The following ZXDC variants were observed in gnomAD, a reference collection of about 807,000 sequenced individuals.
ZXDC encodes the protein ZXD family zinc finger C.
Under a neutral mutation model 63.6 loss-of-function variants are expected in ZXDC, and 58 were observed. The observed-to-expected ratio is 0.91, with a 90% CI of 0.74 to 1.13. ZXDC has a LOEUF of 1.13. Among genes scored for constraint, ZXDC ranks in the 50% most tolerant of loss-of-function variants. The pLI, the probability that ZXDC is intolerant of heterozygous loss-of-function variation, is 0.00. For missense variants in ZXDC, 1,133 were observed against 1,148.9 expected (o/e 0.99, Z 0.20); for synonymous variants, 561 against 496.1 (o/e 1.13, Z -1.74).
chr3:126,466,344 T>C lies in ZXDC; in HGVS notation c.1271-19A>G, dbSNP rs745857279. The C allele has an allele frequency of 1.2e-6, 2 of 1,613,930 alleles. No homozygotes were observed. The highest frequency in any genetic ancestry group is 1.1e-5 in the South Asian group (1 of 91,054). On this transcript the variant is annotated intron_variant, in intron 4 of 9. Coordinates refer to ENST00000389709, the MANE Select transcript of ZXDC (RefSeq NM_025112.5). The stretch of plus-strand genomic sequence containing the variant: ...CAACATCCTGGAACAAAAAGAGTAA[T>C]GAGAGTGAAACCCAAGGATCACCAA...
intron 4 of ZXDC, among the ~76,000 whole-genome samples, chr3:126,470,136 T>A (rs1934926104): frequency 6.6e-6 from 1 of 152,164 alleles, no homozygotes; most frequent in South Asian, 2.1e-4. Context: ...AACTGAGCCT[T>A]CAGTGTTTTA....
At chr3:126,451,035 G>C in intron 7 of ZXDC, 1 of 620,276 alleles carries the variant, frequency 1.6e-6, no homozygotes, top group Non-Finnish European at 2.0e-6. Context: ...GGAAAGGAAA[G>C]GGACTCAAGG....
chr3:126,439,581 AG>A (rs1933592927), intron 9 of ZXDC, 50 bp downstream of exon 9: 2 of 1,550,914 alleles, frequency 1.3e-6, no homozygotes, highest in African/African-American at 1.4e-5. Context: ...TGGAAGTCGA[AG>A]GCTCTGCGAG....
In ZXDC at chr3:126,451,258, T is replaced by C. The variant is rs958522331; in HGVS notation, c.2212+8395A>G. The C allele has an allele frequency of 7.1e-6, 7 of 985,322 alleles. 1 individual carries two copies. Among genetic ancestry groups the C allele is most frequent in the Admixed American group, 6.1e-5 (1 of 16,262 alleles). The allele number at this position is 985,322 out of a possible 1,614,324, so 61.0% of individuals were successfully genotyped here. A position where few individuals can be genotyped will look rare whatever the true frequency, so the allele number is the denominator to read the frequency against. ...CTTCATGCATGCATATGTGTACTAC[T>C]GCTTGTTTCCAGGTAAATGTACACA... On this transcript the variant is annotated intron_variant, in intron 7 of 9. Transcript: ENST00000389709.
chr3:126,438,446 A>G lies in ZXDC; in HGVS notation c.2506T>C (p.Ser836Pro), dbSNP rs1457648877. 7 of 1,613,622 alleles carry G rather than the reference A, an allele frequency of 4.3e-6. No individual in the cohort carries two copies. The highest frequency in any genetic ancestry group is 5.9e-6 in the Non-Finnish European group (7 of 1,179,838). ...GCCTCCGGTCCAGCAGGGCCTCCAG[A>G]TGAGGGGAGCACCTCCTGCAAAACC... ...VYVLQEVLPS[S>P]GGPAGPEATQ... The change falls in exon 10 of 10, where the codon TCT becomes CCT. Residue 836 changes from serine (S) to proline (P), a missense_variant. Physicochemically the swap from Ser to Pro is moderately conservative, Grantham distance 74 (BLOSUM62 -1). Coordinates refer to ENST00000389709, the MANE Select transcript of ZXDC (RefSeq NM_025112.5).
At chr3:126,439,938 C>G in intron 8 of ZXDC, 1 of 1,404,798 alleles carries the variant, frequency 7.1e-7, no homozygotes, top group East Asian at 2.7e-5. Flanking sequence ...CACCTTGATC[C>G]CAGCAGCTTT....
At position 126,448,581 on chromosome 3, in the gene ZXDC, T is replaced by C. The variant is rs1933970801; in HGVS notation, c.2213-6635A>G. Among the ~76,000 whole-genome samples, 3 of 152,272 alleles carry C rather than the reference T, an allele frequency of 2.0e-5. No homozygotes were observed. The East Asian group carries it at 5.8e-4, about 29-fold the overall frequency. On this transcript the variant is annotated intron_variant, in intron 7 of 9. Coordinates refer to ENST00000389709, the MANE Select transcript of ZXDC (RefSeq NM_025112.5). ...GGCATCCCGGGCAGGCACCAGGGCA[T>C]GGCACGGCCATGCACTAAGAAGCAA... is the stretch of plus-strand genomic sequence containing the variant.
chr3:126,442,108 G>C, intron 7 of ZXDC, 162 bp from the exon 8 acceptor site: 1 of 777,704 alleles, frequency 1.3e-6, no homozygotes, highest in Middle Eastern at 4.1e-4. Flanking sequence ...AGAGTTAAGA[G>C]GTTGAAACAA....
Position 126,460,783 on chromosome 3 carries a change from T to G in ZXDC, c.2127+752A>C, listed in dbSNP as rs1193761804. The G allele has an allele frequency of 3.0e-6, 3 of 985,232 alleles. No individual in the cohort carries two copies. The African/African-American group carries it at 5.2e-5, about 17-fold the overall frequency. 61.0% of individuals were successfully genotyped at this position (985,232 alleles called of 1,614,324 possible). A position where few individuals can be genotyped will look rare whatever the true frequency, so the allele number is the denominator to read the frequency against. ...CATGGAGCCTCAGCTACTATGTGCCTCACAACTGATCCTACTGCAAAAGAT... is the reference window on the plus strand; with the variant it reads ...CATGGAGCCTCAGCTACTATGTGCCGCACAACTGATCCTACTGCAAAAGAT... On this transcript the variant is annotated intron_variant, in intron 6 of 9. Transcript: ENST00000389709.
chr3:126,475,705 C>G lies in ZXDC; in HGVS notation c.161G>C (p.Arg54Pro). ...GCTTGGCCCGGAGGCCTCCCCGGGC[C>G]GCGCCCCGGGCCCGCCATCTTCAGG... ...RGPEDGGPGA[R>P]PGEASGPSPP... The change falls in exon 1 of 10, where the codon CGG becomes CCG. Residue 54 changes from arginine to proline, a missense_variant. Physicochemically the swap from Arg to Pro is moderately radical, Grantham distance 103. Transcript: ENST00000389709. The G allele has an allele frequency of 7.8e-7, 1 of 1,288,780 alleles. No homozygotes were observed. The highest frequency in any genetic ancestry group is 9.8e-7 in the Non-Finnish European group (1 of 1,019,604). 79.8% of individuals were successfully genotyped at this position (1,288,780 alleles called of 1,614,324 possible). A position where few individuals can be genotyped will look rare whatever the true frequency, so the allele number is the denominator to read the frequency against.
rs576844398 is a variant in ZXDC at position 126,458,872 on chromosome 3, T to C, written c.2212+781A>G. 1.6e-5 allele frequency: 16 copies of C among 985,426 alleles called. No individual in the cohort carries two copies. The East Asian group carries it at 1.5e-3, about 91-fold the overall frequency. 61.0% of individuals were successfully genotyped at this position (985,426 alleles called of 1,614,324 possible). A position where few individuals can be genotyped will look rare whatever the true frequency, so the allele number is the denominator to read the frequency against. On this transcript the variant is annotated intron_variant, in intron 7 of 9. Transcript: ENST00000389709. ...ACAATTCACACTGATGCATACACTA[T>C]AGTGAAACACTGGCTTTAAGAAAAC... is the stretch of plus-strand genomic sequence containing the variant.
intron 4 of ZXDC, among the ~76,000 whole-genome samples, chr3:126,469,185 C>T (rs1329630866): frequency 4.6e-5 from 7 of 152,166 alleles, no homozygotes. Flanking sequence ...CTCCAGAATT[C>T]AGGCTTTTGA....
chr3:126,447,914 G>A (rs1383010049), intron 7 of ZXDC, among the ~76,000 whole-genome samples: 1 of 152,202 alleles, frequency 6.6e-6, no homozygotes, highest in Non-Finnish European at 1.5e-5. Context: ...GAGACACAGT[G>A]TTCCTGCATA....
In ZXDC at chr3:126,462,166, C is replaced by T. The variant is rs769984743; in HGVS notation, c.1496G>A (p.Ser499Asn). ...AGTGAGCTCACTTTGGCCTGGGCTG[C>T]TGAGTTCACTGCTGGGAGTAAGAGA... Reference protein sequence around the residue: ...PSSLTPSSELSSPGQSELTNM... With the variant: ...PSSLTPSSELNSPGQSELTNM... The change falls in exon 6 of 10, where the codon AGC becomes AAC. Residue 499 changes from serine (S) to asparagine (N), a missense_variant. By Grantham distance (46) the Ser-to-Asn change is conservative. Coordinates refer to ENST00000389709, the MANE Select transcript of ZXDC (RefSeq NM_025112.5). The T allele has an allele frequency of 6.2e-7, 1 of 1,611,064 alleles. No homozygotes were observed. The highest frequency in any genetic ancestry group is 1.3e-5 in the African/African-American group (1 of 74,888).
rs1175406236 is a variant in ZXDC at position 126,473,388 on chromosome 3, C to CCCTGGT, written c.908-1089_908-1084dup. The stretch of plus-strand genomic sequence containing the variant: ...AGGTCTGGGCCCTTTGATGATGCTT[C>CCCTGGT]CCTGGTCCTGCTCCTGCTTCTAAAC... On this transcript the variant is annotated intron_variant, in intron 1 of 9. Coordinates refer to ENST00000389709, the MANE Select transcript of ZXDC (RefSeq NM_025112.5). 3.3e-5 allele frequency among the ~76,000 whole-genome samples: 5 copies of CCCTGGT among 152,320 alleles called. No individual in the cohort carries two copies. The East Asian group carries it at 9.7e-4, about 29-fold the overall frequency.
intron 7 of ZXDC, among the ~76,000 whole-genome samples, chr3:126,443,872 T>C (rs1251352567): frequency 2.6e-5 from 4 of 150,962 alleles, no homozygotes; most frequent in African/African-American, 7.3e-5. Flanking sequence ...GAAACTTTGA[T>C]AGATAATTAT....
rs548063748 is a variant in ZXDC, at chr3:126,464,695, G to A, written c.1441+1460C>T. 2.6e-5 allele frequency among the ~76,000 whole-genome samples: 4 copies of A among 152,200 alleles called. No homozygotes were observed. In the South Asian group the frequency reaches 8.3e-4, roughly 32 times the overall value. ...TCAGGAAAGGGGAAGTGTGCCATGA[G>A]AGGGAACGGCCAAACAGGGGAGAGG... On this transcript the variant is annotated intron_variant, in intron 5 of 9. Coordinates refer to ENST00000389709, the MANE Select transcript of ZXDC (RefSeq NM_025112.5).
intron 8 of ZXDC, chr3:126,441,063 CTCTTCTCTCCCCAAATCCTTCCAAATCA>C (rs1017108355): frequency 3.2e-5 from 32 of 985,502 alleles, no homozygotes; most frequent in Admixed American, 6.1e-5. Flanking sequence ...GCTTGTATAT[CTCTTCTCTCCCCAAATCCTTCCAAATCA>C]TCTTCCCTCC....
intron 7 of ZXDC, chr3:126,454,128 T>G: frequency 1.0e-6 from 1 of 965,510 alleles, no homozygotes; most frequent in Non-Finnish European, 1.2e-6. Flanking sequence ...CCATTTAATT[T>G]CTATAAATAT....
Sources: gnomAD v4.1 joint callset for allele counts (sites outside exome capture counted in the v4.1 genomes callset) on GRCh38, gnomAD v4.1.1 for gene constraint, MANE v1.5 for transcripts, NCBI Gene and HGNC (gene_info 2026-07-23, HGNC 2026-07-21) for gene names.